Variants in PSMC4 observed in about 807,000 individuals in gnomAD.
PSMC4 encodes the protein 26S proteasome regulatory subunit 6B.
PSMC4 carries 13 observed loss-of-function variants against 48.4 expected under a neutral mutation model. The ratio of observed to expected loss-of-function variants is 0.27; its 90% CI spans 0.18 to 0.43. PSMC4 has a LOEUF of 0.43. Ranked by LOEUF, PSMC4 falls within the 20% of genes least tolerant of loss-of-function variation. PSMC4 has a pLI of 1.00. For missense variants in PSMC4, 262 were observed against 555.9 expected (o/e 0.47, Z 5.32); for synonymous variants, 202 against 212.3 (o/e 0.95, Z 0.42).
chr19:39,981,603 G>A lies in PSMC4; in HGVS notation c.*298G>A, dbSNP rs1453319812. Among the ~76,000 whole-genome samples, 2 of 152,112 alleles carry A rather than the reference G, an allele frequency of 1.3e-5. No homozygotes were observed. Among genetic ancestry groups the A allele is most frequent in the Non-Finnish European group, 2.9e-5 (2 of 68,034 alleles). On this transcript the variant is annotated 3_prime_UTR_variant, in exon 11 of 11. Coordinates refer to ENST00000157812, the MANE Select transcript of PSMC4 (RefSeq NM_006503.4). ...AAACCAGATGACTTCCAAAATGTGG[G>A]GAAAGGGATGGAAAATGAACCTGAG...
rs1005492297 is a variant in PSMC4, at chr19:39,976,974, C to T, written c.673+2146C>T. On this transcript the variant is annotated intron_variant, in intron 6 of 10. Transcript: ENST00000157812. ...AAGCGATTCTCCTACCTCAGCCTCC[C>T]GAGTGGCTGGAATTACAGGTACATG... 4.0e-5 allele frequency among the ~76,000 whole-genome samples: 6 copies of T among 151,814 alleles called. No individual in the cohort carries two copies. In the South Asian group the frequency reaches 8.3e-4, roughly 21 times the overall value.
chr19:39,974,072 CT>C lies in PSMC4; in HGVS notation c.323-221del, dbSNP rs1971152064. The stretch of plus-strand genomic sequence containing the variant: ...ACTAGTATGAGATGCAGGGGGAGGC[CT>C]GCTGGACAGCCAGGGCTGGATGTCA... On this transcript the variant is annotated intron_variant, in intron 3 of 10. Coordinates refer to ENST00000157812, the MANE Select transcript of PSMC4 (RefSeq NM_006503.4). This position sits in a 1 kb window ranked among gnomAD's most constrained non-coding sequence, Gnocchi z 5.5. Among the ~76,000 whole-genome samples, 1 of 152,102 alleles carries C rather than the reference CT, an allele frequency of 6.6e-6. No individual in the cohort carries two copies. Among genetic ancestry groups the C allele is most frequent in the African/African-American group, 2.4e-5 (1 of 41,392 alleles).
intron 6 of PSMC4, among the ~76,000 whole-genome samples, chr19:39,976,752 G>A (rs1416296712): frequency 5.3e-5 from 8 of 151,694 alleles, no homozygotes; most frequent in East Asian, 1.9e-4. Flanking sequence ...CTCATGATCC[G>A]CCCGCCTGGG....
rs73545950 is a variant in PSMC4 at position 39,980,558 on chromosome 19, C to G, written c.1087+104C>G. On this transcript the variant is annotated intron_variant, in intron 9 of 10. Transcript: ENST00000157812. This position sits in a 1 kb window ranked among gnomAD's most constrained non-coding sequence, Gnocchi z 4.8. ...ACAGCCCAGACTGTGCAGGTGGGAC[C>G]AAGGTCCAGGGAGGAGGGGAGGTGA... The G allele has an allele frequency of 0.039, 61,463 of 1,586,344 alleles. 2,256 individuals carry two copies. Among genetic ancestry groups the G allele is most frequent in the East Asian group, 0.16 (7,050 of 44,682 alleles).
chr19:39,977,231 G>T (rs1971217842), intron 6 of PSMC4, among the ~76,000 whole-genome samples: 2 of 152,022 alleles, frequency 1.3e-5, no homozygotes, highest in African/African-American at 2.4e-5. Flanking sequence ...ATCTTCCAGT[G>T]TGGCCCTGTG....
In PSMC4 at chr19:39,981,646, G is replaced by A. The variant is rs1599730924; in HGVS notation, c.*341G>A. On this transcript the variant is annotated 3_prime_UTR_variant, in exon 11 of 11. Coordinates refer to ENST00000157812, the MANE Select transcript of PSMC4 (RefSeq NM_006503.4). ...AACCTGAGATGGAGTCCTTAATCACGGGATAAAGCCCTGTGCATCTCCCTC... is the reference window on the plus strand; with the variant it reads ...AACCTGAGATGGAGTCCTTAATCACAGGATAAAGCCCTGTGCATCTCCCTC... 6.6e-6 allele frequency among the ~76,000 whole-genome samples: 1 copy of A among 152,024 alleles called. No individual in the cohort carries two copies. The highest frequency in any genetic ancestry group is 2.4e-5 in the African/African-American group (1 of 41,384).
rs753767562 is a variant in PSMC4, at chr19:39,980,032, A to C, written c.842-38A>C. Reference sequence around the variant, plus strand: ...CCGGGGTCTTGGACAGGCTTGTCGCATGGGATGCCTGGGACTGACTGTGCT... The same window carrying C: ...CCGGGGTCTTGGACAGGCTTGTCGCCTGGGATGCCTGGGACTGACTGTGCT... On this transcript the variant is annotated intron_variant, in intron 7 of 10. Transcript: ENST00000157812. The surrounding 1 kb of genome is among the most constrained non-coding windows in gnomAD (Gnocchi z 4.8). 5.0e-6 allele frequency: 8 copies of C among 1,613,942 alleles called. No homozygotes were observed. In the South Asian group the frequency reaches 8.8e-5, roughly 18 times the overall value.
rs992473241 is a variant in PSMC4 at position 39,974,203 on chromosome 19, A to G, written c.323-91A>G. ...GGGGACCCCTCAGGGTCTGAACCAG[A>G]GATGTTGGGGTGTGGAGATTAGGAG... On this transcript the variant is annotated intron_variant, in intron 3 of 10. Transcript: ENST00000157812. The surrounding 1 kb of genome is among the most constrained non-coding windows in gnomAD (Gnocchi z 5.5). 5.3e-6 allele frequency: 8 copies of G among 1,512,682 alleles called. No individual in the cohort carries two copies. In the African/African-American group the frequency reaches 1.1e-4, roughly 21 times the overall value. 93.7% of individuals were successfully genotyped at this position (1,512,682 alleles called of 1,614,324 possible). A position where few individuals can be genotyped will look rare whatever the true frequency, so the allele number is the denominator to read the frequency against.
In PSMC4 at chr19:39,981,239, G is replaced by A; in HGVS notation, c.1191G>A (p.Lys397=). The A allele has an allele frequency of 2.5e-6, 4 of 1,614,074 alleles. No homozygotes were observed. Among genetic ancestry groups the A allele is most frequent in the Non-Finnish European group, 3.4e-6 (4 of 1,180,010 alleles). Residue 397 remains lysine (K), a synonymous_variant, in exon 11 of 11, where the codon AAG becomes AAA. Transcript: ENST00000157812. The part of the protein sequence containing the change: ...VRENRYIVLA[K]DFEKAYKTVI... ...AAAACCGCTACATTGTCCTGGCCAA[G>A]GACTTCGAGAAAGCATACAAGACTG...
Position 39,974,173 on chromosome 19 carries a change from C to T in PSMC4, c.323-121C>T, listed in dbSNP as rs929051298. 2.1e-5 allele frequency: 27 copies of T among 1,288,288 alleles called. No homozygotes were observed. Among genetic ancestry groups the T allele is most frequent in the Non-Finnish European group, 2.6e-5 (24 of 940,958 alleles). The allele number at this position is 1,288,288 out of a possible 1,614,324, so 79.8% of individuals were successfully genotyped here. A position where few individuals can be genotyped will look rare whatever the true frequency, so the allele number is the denominator to read the frequency against. On this transcript the variant is annotated intron_variant, in intron 3 of 10. Coordinates refer to ENST00000157812, the MANE Select transcript of PSMC4 (RefSeq NM_006503.4). This position sits in a 1 kb window ranked among gnomAD's most constrained non-coding sequence, Gnocchi z 5.5. ...GACAGCAGGAGGGAAGGCTGGAGGC[C>T]GAGAGGGGACCCCTCAGGGTCTGAA...
chr19:39,975,086 G>A (rs1242456879), intron 6 of PSMC4, among the ~76,000 whole-genome samples: 3 of 152,086 alleles, frequency 2.0e-5, no homozygotes, highest in African/African-American at 4.8e-5. Context: ...TAGTAATTAT[G>A]AATTTCAATT....
At position 39,979,507 on chromosome 19, in the gene PSMC4, G is replaced by A. The variant is rs1971255855; in HGVS notation, c.674-310G>A. On this transcript the variant is annotated intron_variant, in intron 6 of 10. Transcript: ENST00000157812. ...ACCCTGAAGGCAGAAGTTGTGGTGAGCCGAGATTGTGCTACTGCACTCCAG... is the reference window on the plus strand; with the variant it reads ...ACCCTGAAGGCAGAAGTTGTGGTGAACCGAGATTGTGCTACTGCACTCCAG... The A allele has an allele frequency of 1.5e-5, 3 of 205,740 alleles. No homozygotes were observed. The South Asian group carries it at 5.6e-4, about 39-fold the overall frequency. The allele number at this position is 205,740 out of a possible 1,614,324, so 12.7% of individuals were successfully genotyped here.
rs34344223 is a variant in PSMC4 at position 39,974,549 on chromosome 19, G to A, written c.495G>A (p.Ala165=). The A allele has an allele frequency of 5.0e-3, 8,112 of 1,614,116 alleles. 45 individuals are homozygous for A. Among genetic ancestry groups the A allele is most frequent in the Middle Eastern group, 0.027 (161 of 6,062 alleles). The change falls in exon 5 of 11, where the codon GCG becomes GCA. Residue 165 remains alanine (A), a synonymous_variant. Coordinates refer to ENST00000157812, the MANE Select transcript of PSMC4 (RefSeq NM_006503.4). This position sits in a 1 kb window ranked among gnomAD's most constrained non-coding sequence, Gnocchi z 5.5. The part of the protein sequence containing the change: ...TSDQKPDVMY[A]DIGGMDIQKQ... ...ACCAGAAGCCAGATGTGATGTACGC[G>A]GACATCGGAGGCATGGACATCCAGA... is the stretch of plus-strand genomic sequence containing the variant.
In PSMC4 at chr19:39,980,892, G is replaced by C. The variant is rs1454165678; in HGVS notation, c.1143+175G>C. Among the ~76,000 whole-genome samples the C allele has an allele frequency of 6.6e-6, 1 of 151,940 alleles. No individual in the cohort carries two copies. The highest frequency in any genetic ancestry group is 1.9e-4 in the East Asian group (1 of 5,180). Reference sequence around the variant, plus strand: ...TACAGGGGTAGTGTTTTTGTGTTTTGCTTTGAGACAGGGACTCACTCTGTC... The same window carrying C: ...TACAGGGGTAGTGTTTTTGTGTTTTCCTTTGAGACAGGGACTCACTCTGTC... On this transcript the variant is annotated intron_variant, in intron 10 of 10. Coordinates refer to ENST00000157812, the MANE Select transcript of PSMC4 (RefSeq NM_006503.4). The surrounding 1 kb of genome is among the most constrained non-coding windows in gnomAD (Gnocchi z 4.8).
chr19:39,977,251 C>T (rs1183473283), intron 6 of PSMC4, among the ~76,000 whole-genome samples: 2 of 152,126 alleles, frequency 1.3e-5, no homozygotes, highest in African/African-American at 4.8e-5. Context: ...GTACCCTTCA[C>T]CCAGATTCCC....
At chr19:39,978,117 T>C (rs1279847827) in intron 6 of PSMC4, among the ~76,000 whole-genome samples, 1 of 152,174 alleles carries the variant, frequency 6.6e-6, no homozygotes, top group East Asian at 1.9e-4. Flanking sequence ...GAGCCTTTTT[T>C]TCCTCTTGTT....
chr19:39,979,804 A>C lies in PSMC4; in HGVS notation c.674-13A>C, dbSNP rs1211780280. On this transcript the variant is annotated splice_polypyrimidine_tract_variant and intron_variant, in intron 6 of 10. Transcript: ENST00000157812. Reference sequence around the variant, plus strand: ...GGCTCATTCCCGCCTAACTGTTGTCATCCTGTCATCAGCTGCATTCATCCG... The same window carrying C: ...GGCTCATTCCCGCCTAACTGTTGTCCTCCTGTCATCAGCTGCATTCATCCG... The C allele has an allele frequency of 6.2e-7, 1 of 1,607,500 alleles. No homozygotes were observed. The highest frequency in any genetic ancestry group is 1.7e-5 in the Admixed American group (1 of 58,894).
In PSMC4 at chr19:39,980,830, A is replaced by C. The variant is rs1599730507; in HGVS notation, c.1143+113A>C. The C allele has an allele frequency of 9.5e-7, 1 of 1,053,352 alleles. No individual in the cohort carries two copies. Among genetic ancestry groups the C allele is most frequent in the Non-Finnish European group, 1.5e-6 (1 of 676,218 alleles). 65.3% of individuals were successfully genotyped at this position (1,053,352 alleles called of 1,614,324 possible). A position where few individuals can be genotyped will look rare whatever the true frequency, so the allele number is the denominator to read the frequency against. ...ATGGCTGCCCTGGGTCGTGGGCGCC[A>C]TCTCTCTCTTCCTCTACCATCACTA... On this transcript the variant is annotated intron_variant, in intron 10 of 10. Transcript: ENST00000157812. This position sits in a 1 kb window ranked among gnomAD's most constrained non-coding sequence, Gnocchi z 4.8.
At chr19:39,975,580 T>C (rs767904597) in intron 6 of PSMC4, among the ~76,000 whole-genome samples, 4 of 152,180 alleles carry the variant, frequency 2.6e-5, no homozygotes, top group African/African-American at 4.8e-5. Context: ...GGGGCTAGAC[T>C]GCCTGGCTTT....
Sources: gnomAD v4.1 joint callset for allele counts (sites outside exome capture counted in the v4.1 genomes callset) on GRCh38, gnomAD v4.1.1 for gene constraint, Gnocchi (gnomAD v3.1) non-coding constraint, MANE v1.5 for transcripts, NCBI Gene and HGNC (gene_info 2026-07-23, HGNC 2026-07-21) for gene names.